DYNC2I1: variants seen among roughly 807,000 people sequenced by gnomAD.
DYNC2I1 encodes the protein dynein 2 intermediate chain 1.
Under a neutral mutation model 133.4 loss-of-function variants are expected in DYNC2I1, and 89 were observed. The observed-to-expected ratio is 0.67, with a 90% CI of 0.56 to 0.80. DYNC2I1 has a LOEUF of 0.80. DYNC2I1 is among the 30% of genes least tolerant of loss of function. DYNC2I1 has a pLI of 0.00. For synonymous variants in DYNC2I1, 504 were observed against 484.3 expected (o/e 1.04, Z -0.54); for missense variants, 1,291 against 1,314.5 (o/e 0.98, Z 0.28).
chr7:158,917,224 A>T (rs1204561818), intron 14 of DYNC2I1, among the ~76,000 whole-genome samples: 3 of 112,562 alleles, frequency 2.7e-5, no homozygotes, highest in East Asian at 4.1e-4. Context: ...GAGATTAAGG[A>T]TGATTGTGAA....
Position 158,877,238 on chromosome 7 carries a change from C to T in DYNC2I1, c.573+547C>T, listed in dbSNP as rs543442260. On this transcript the variant is annotated intron_variant, in intron 4 of 24. Transcript: ENST00000407559. ...GGTGCTCTCGAGGCACCTGCGGTTC[C>T]GGATTGGTGTTCCGCGGCGCGGGTG... Among the ~76,000 whole-genome samples, 6 of 142,142 alleles carry T rather than the reference C, an allele frequency of 4.2e-5. No homozygotes were observed. The South Asian group carries it at 9.1e-4, about 22-fold the overall frequency. 93.3% of individuals were successfully genotyped at this position (142,142 alleles called of 152,430 possible).
At chr7:158,877,167 C>G (rs971218792) in intron 4 of DYNC2I1, among the ~76,000 whole-genome samples, 3 of 151,014 alleles carry the variant, frequency 2.0e-5, no homozygotes, top group Non-Finnish European at 2.9e-5. Flanking sequence ...TGGTGCTCTC[C>G]AGGCACCTGC....
At chr7:158,900,202 A>T (rs1226783195) in intron 8 of DYNC2I1, among the ~76,000 whole-genome samples, 1 of 150,920 alleles carries the variant, frequency 6.6e-6, no homozygotes, top group Non-Finnish European at 1.5e-5. Context: ...GCTCGCTGCA[A>T]CCTCTGCCTC....
intron 5 of DYNC2I1, 137 bp downstream of exon 5, chr7:158,880,126 A>G: frequency 1.1e-6 from 1 of 924,744 alleles, no homozygotes; most frequent in Non-Finnish European, 1.6e-6. Flanking sequence ...ACGCAACTCA[A>G]GTCTTGATTA....
At chr7:158,939,514 T>C (rs530405015) in intron 23 of DYNC2I1, among the ~76,000 whole-genome samples, 46 of 152,078 alleles carry the variant, frequency 3.0e-4, no homozygotes, top group African/African-American at 1.1e-3. Context: ...AGCAACAAAT[T>C]AGAACATACT....
Position 158,952,696 on chromosome 7 carries a change from G to T in DYNC2I1, c.*57-3887G>T, listed in dbSNP as rs138094860. Among the ~76,000 whole-genome samples, 777 of 151,964 alleles carry T rather than the reference G, an allele frequency of 5.1e-3. 44 individuals are homozygous for T. The East Asian group carries it at 0.12, about 23-fold the overall frequency. ...TTGTGTGGACAGGGAGAAAAGGAGG[G>T]TGAACCCCCAGCCGCATCGTAAGAC... On this transcript the variant is annotated intron_variant and NMD_transcript_variant, in intron 4 of 4. Transcript: ENST00000454771.
downstream of DYNC2I1, among the ~76,000 whole-genome samples, chr7:158,958,112 C>G (rs1320675729): frequency 6.7e-6 from 1 of 149,498 alleles, no homozygotes; most frequent in Non-Finnish European, 1.5e-5. Flanking sequence ...AGGGTGAGGT[C>G]TGCACCTGCC....
upstream of DYNC2I1, chr7:158,856,547 G>T: frequency 2.0e-6 from 1 of 498,168 alleles, no homozygotes. Flanking sequence ...CCGGGGATGC[G>T]CAGGCGCACT....
chr7:158,916,536 T>C (rs1848326743), intron 14 of DYNC2I1, among the ~76,000 whole-genome samples: 1 of 56,820 alleles, frequency 1.8e-5, no homozygotes, highest in Non-Finnish European at 4.0e-5. Context: ...TGGTTGACAT[T>C]AAGGATGATT....
At position 158,942,096 on chromosome 7, in the gene DYNC2I1, C is replaced by T; in HGVS notation, c.2950C>T (p.Leu984Phe). The change falls in exon 24 of 25, where the codon CTC (leucine) becomes TTC (phenylalanine). Residue 984 changes from leucine to phenylalanine, a missense_variant. Physicochemically the swap from Leu to Phe is conservative, Grantham distance 22. Coordinates refer to ENST00000407559, the MANE Select transcript of DYNC2I1 (RefSeq NM_018051.5). ...CACATCCAACATCTACATCTGGGAC[C>T]TCCTCCAGAGCGATCTGGGTCCTGT... is the stretch of plus-strand genomic sequence containing the variant. Reference protein sequence around the residue: ...DDTSNIYIWDLLQSDLGPVAK... With the variant: ...DDTSNIYIWDFLQSDLGPVAK... 1.9e-6 allele frequency: 3 copies of T among 1,605,656 alleles called. No homozygotes were observed. The highest frequency in any genetic ancestry group is 1.1e-5 in the South Asian group (1 of 89,666).
At chr7:158,954,657 T>C (rs1852153926) in intron 4 of DYNC2I1, among the ~76,000 whole-genome samples, 1 of 152,172 alleles carries the variant, frequency 6.6e-6, no homozygotes, top group Admixed American at 6.5e-5. Flanking sequence ...CTAAAAAAAT[T>C]ACACTTATTT....
At chr7:158,919,835 C>T (rs1488269244) in intron 15 of DYNC2I1, among the ~76,000 whole-genome samples, 2 of 152,172 alleles carry the variant, frequency 1.3e-5, no homozygotes, top group Non-Finnish European at 2.9e-5. Context: ...TTGGCATCCA[C>T]ACTCCCACAC....
chr7:158,902,339 G>A (rs775993207), intron 9 of DYNC2I1, 37 bp from the exon 10 acceptor site: 21 of 1,575,120 alleles, frequency 1.3e-5, no homozygotes, highest in South Asian at 9.2e-5. Flanking sequence ...AAGTCAGTTT[G>A]TCTTAAAGGG....
chr7:158,840,724 G>A, the DYNC2I1 span, among the ~76,000 whole-genome samples: 2 of 152,240 alleles, frequency 1.3e-5, no homozygotes, highest in Non-Finnish European at 2.9e-5. Context: ...CCCCAGTGGG[G>A]GAGGTTTTCA....
chr7:158,844,470 A>G, the DYNC2I1 span, among the ~76,000 whole-genome samples: 2 of 152,106 alleles, frequency 1.3e-5, no homozygotes, highest in African/African-American at 2.4e-5. Context: ...GGTGGGTGAT[A>G]AGGAAAATGG....
chr7:158,956,471 G>A lies in DYNC2I1; in HGVS notation c.*57-112G>A, dbSNP rs149916465. The A allele has an allele frequency of 4.2e-3, 643 of 152,656 alleles. 4 individuals are homozygous for A. Among genetic ancestry groups the A allele is most frequent in the African/African-American group, 0.015 (615 of 41,590 alleles). The allele number at this position is 152,656 out of a possible 1,614,324, so 9.5% of individuals were successfully genotyped here. A position where few individuals can be genotyped will look rare whatever the true frequency, so the allele number is the denominator to read the frequency against. Reference sequence around the variant, plus strand: ...GCCAGGGAGGCTGGGAAGTGGCTCCGTAAGCGCCGGGGCCTGCACCGTAGG... The same window carrying A: ...GCCAGGGAGGCTGGGAAGTGGCTCCATAAGCGCCGGGGCCTGCACCGTAGG... On this transcript the variant is annotated intron_variant and NMD_transcript_variant, in intron 4 of 4. Transcript: ENST00000454771.
At chr7:158,933,632 A>C (rs903509435) in intron 21 of DYNC2I1, among the ~76,000 whole-genome samples, 1 of 152,250 alleles carries the variant, frequency 6.6e-6, no homozygotes, top group Non-Finnish European at 1.5e-5. Flanking sequence ...GTTCTAGACC[A>C]GTGGCCTCAG....
chr7:158,878,610 A>G (rs970205464), intron 4 of DYNC2I1, among the ~76,000 whole-genome samples: 1,658 of 27,240 alleles, frequency 0.061, no homozygotes, highest in Middle Eastern at 0.11. Context: ...CCGACTGTGA[A>G]TGCCGGGTGC....
intron 14 of DYNC2I1, among the ~76,000 whole-genome samples, chr7:158,917,107 A>C (rs1585156472): frequency 7.3e-6 from 1 of 137,584 alleles, no homozygotes; most frequent in Non-Finnish European, 1.6e-5. Flanking sequence ...GGTTGACATT[A>C]AGGATGATTG....
Sources: gnomAD v4.1 joint callset for allele counts (sites outside exome capture counted in the v4.1 genomes callset) on GRCh38, gnomAD v4.1.1 for gene constraint, MANE v1.5 for transcripts, NCBI Gene and HGNC (gene_info 2026-07-23, HGNC 2026-07-21) for gene names.